CHCHD3: variants seen among roughly 807,000 people sequenced by gnomAD.
CHCHD3 encodes the protein coiled-coil-helix-coiled-coil-helix domain containing 3, also known as MICOS complex subunit MIC19.
CHCHD3 carries 20 observed loss-of-function variants against 38.2 expected under a neutral mutation model. That is an observed-to-expected ratio of 0.52 (90% CI 0.37 to 0.76). The LOEUF (loss-of-function observed/expected upper bound fraction) is 0.76, where lower values mean the gene tolerates loss of function less well. CHCHD3 is among the 30% of genes least tolerant of loss of function. The pLI, the probability that CHCHD3 is intolerant of heterozygous loss-of-function variation, is 0.00. For missense variants in CHCHD3, 245 were observed against 279.2 expected (o/e 0.88, Z 0.87); for synonymous variants, 82 against 100.0 (o/e 0.82, Z 1.07).
At chr7:132,994,751 G>C (rs1352777446) in intron 3 of CHCHD3, among the ~76,000 whole-genome samples, 1 of 152,068 alleles carries the variant, frequency 6.6e-6, no homozygotes, top group Admixed American at 6.5e-5. Flanking sequence ...TCTGAATAAA[G>C]ATGGCCCTAT....
chr7:133,042,720 TAAC>T (rs1342335692), intron 2 of CHCHD3, among the ~76,000 whole-genome samples: 2 of 152,228 alleles, frequency 1.3e-5, no homozygotes, highest in Admixed American at 1.3e-4. Context: ...TTTCTCATAA[TAAC>T]ACAATCTTAA....
At chr7:132,968,276 C>T (rs183220432) in intron 4 of CHCHD3, among the ~76,000 whole-genome samples, 373 of 152,238 alleles carry the variant, frequency 2.5e-3, no homozygotes, top group Non-Finnish European at 4.3e-3. Flanking sequence ...TCCCACCTGT[C>T]GTGAGGGATG....
intron 2 of CHCHD3, among the ~76,000 whole-genome samples, chr7:133,038,940 T>C (rs1204822632): frequency 6.6e-6 from 1 of 152,228 alleles, no homozygotes; most frequent in Non-Finnish European, 1.5e-5. Flanking sequence ...CAACATTACA[T>C]TCTTTGCTGC....
intron 4 of CHCHD3, among the ~76,000 whole-genome samples, chr7:132,918,986 G>C (rs1810188787): frequency 6.6e-6 from 1 of 152,068 alleles, no homozygotes; most frequent in Admixed American, 6.5e-5. Context: ...ATGAGGGAAT[G>C]GGAAGCTGTT....
At chr7:133,000,699 C>A (rs143497008) in intron 3 of CHCHD3, among the ~76,000 whole-genome samples, 1 of 151,948 alleles carries the variant, frequency 6.6e-6, no homozygotes, top group African/African-American at 2.4e-5. Flanking sequence ...AGAATCAGGC[C>A]GAATTAATTT....
At chr7:133,078,021 A>C (rs1196565048) in intron 1 of CHCHD3, among the ~76,000 whole-genome samples, 3 of 152,136 alleles carry the variant, frequency 2.0e-5, no homozygotes, top group African/African-American at 7.2e-5. Flanking sequence ...TCTATTAATA[A>C]ATTCAGCCAG....
rs185818119 is a variant in CHCHD3 at position 132,912,477 on chromosome 7, C to T, written c.370-26732G>A. On this transcript the variant is annotated intron_variant, in intron 4 of 7. Coordinates refer to ENST00000262570, the MANE Select transcript of CHCHD3 (RefSeq NM_017812.4). Reference sequence around the variant, plus strand: ...GCTCCTTCCTGGCTTGAAATGTTGGCTCTCCCACCTACTAGCTATGTGATA... The same window carrying T: ...GCTCCTTCCTGGCTTGAAATGTTGGTTCTCCCACCTACTAGCTATGTGATA... 2.0e-5 allele frequency among the ~76,000 whole-genome samples: 3 copies of T among 152,278 alleles called. No individual in the cohort carries two copies. In the East Asian group the frequency reaches 5.8e-4, roughly 29 times the overall value.
intron 5 of CHCHD3, among the ~76,000 whole-genome samples, chr7:132,885,136 C>T (rs993097936): frequency 6.6e-6 from 1 of 152,056 alleles, no homozygotes; most frequent in East Asian, 1.9e-4. Flanking sequence ...CCTGTAATTC[C>T]AGCTACTCAG....
At chr7:132,867,813 A>T (rs1808669131) in intron 5 of CHCHD3, among the ~76,000 whole-genome samples, 1 of 152,182 alleles carries the variant, frequency 6.6e-6, no homozygotes, top group Non-Finnish European at 1.5e-5. Flanking sequence ...AAGAAAAATG[A>T]TTTTCTCTGG....
At chr7:133,067,143 A>T (rs1464978620) in intron 2 of CHCHD3, among the ~76,000 whole-genome samples, 1 of 152,238 alleles carries the variant, frequency 6.6e-6, no homozygotes, top group Admixed American at 6.5e-5. Context: ...ATAAGGATGA[A>T]ATGAGATAAG....
intron 2 of CHCHD3, among the ~76,000 whole-genome samples, chr7:133,067,985 G>A (rs1292733099): frequency 6.6e-6 from 1 of 152,042 alleles, no homozygotes; most frequent in African/African-American, 2.4e-5. Context: ...GCGTGGTGGT[G>A]GGAGCCTGTA....
chr7:133,027,375 G>C (rs1414857489), intron 2 of CHCHD3, among the ~76,000 whole-genome samples: 1 of 133,580 alleles, frequency 7.5e-6, no homozygotes, highest in African/African-American at 2.8e-5. Flanking sequence ...GAGAGAGAGA[G>C]AGAGAGAGAG....
rs533948536 is a variant in CHCHD3, at chr7:132,922,657, A to C, written c.370-36912T>G. On this transcript the variant is annotated intron_variant, in intron 4 of 7. Coordinates refer to ENST00000262570, the MANE Select transcript of CHCHD3 (RefSeq NM_017812.4). ...TTGAAAGGCGTAAGTCATATTTCCC[A>C]CTTGGGCAAGAAACTATTCTGATTA... 2.0e-5 allele frequency among the ~76,000 whole-genome samples: 3 copies of C among 152,054 alleles called. No homozygotes were observed. In the East Asian group the frequency reaches 5.8e-4, roughly 29 times the overall value.
intron 4 of CHCHD3, among the ~76,000 whole-genome samples, chr7:132,938,086 T>G (rs1810673852): frequency 6.6e-6 from 1 of 152,178 alleles, no homozygotes; most frequent in African/African-American, 2.4e-5. Context: ...TTATGAAAAT[T>G]TATGATATTT....
At chr7:133,060,798 T>A (rs1295023947) in intron 2 of CHCHD3, among the ~76,000 whole-genome samples, 1 of 152,108 alleles carries the variant, frequency 6.6e-6, no homozygotes, top group Non-Finnish European at 1.5e-5. Flanking sequence ...TAATCCCAGT[T>A]ACTCGGGAGG....
intron 4 of CHCHD3, among the ~76,000 whole-genome samples, chr7:132,893,179 G>C (rs1809410915): frequency 6.6e-6 from 1 of 152,222 alleles, no homozygotes; most frequent in South Asian, 2.1e-4. Context: ...CAGGGGCGAA[G>C]CTATCTAAGG....
intron 4 of CHCHD3, among the ~76,000 whole-genome samples, chr7:132,925,856 G>C (rs75101447): frequency 0.074 from 11,223 of 152,232 alleles, 513 homozygotes; most frequent in South Asian, 0.18. Context: ...GTTGGGGATG[G>C]GGGAAAATGC....
At chr7:133,022,114 T>C (rs950018325) in intron 3 of CHCHD3, among the ~76,000 whole-genome samples, 1 of 151,590 alleles carries the variant, frequency 6.6e-6, no homozygotes, top group Admixed American at 6.6e-5. Flanking sequence ...AAACAAAAAA[T>C]TTCCATTTAA....
At chr7:132,882,126 C>G (rs1448634748) in intron 5 of CHCHD3, among the ~76,000 whole-genome samples, 1 of 152,100 alleles carries the variant, frequency 6.6e-6, no homozygotes, top group Non-Finnish European at 1.5e-5. Context: ...TAAGCTCTTT[C>G]CAGCTTTCAA....
Sources: gnomAD v4.1 joint callset for allele counts (sites outside exome capture counted in the v4.1 genomes callset) on GRCh38, gnomAD v4.1.1 for gene constraint, MANE v1.5 for transcripts, NCBI Gene and HGNC (gene_info 2026-07-23, HGNC 2026-07-21) for gene names.